The following DPP10 variants were observed in gnomAD, a reference collection of about 807,000 sequenced individuals.
The protein encoded by DPP10 is dipeptidyl peptidase like 10, also known as inactive dipeptidyl peptidase 10.
Under a neutral mutation model 120.9 loss-of-function variants are expected in DPP10, and 33 were observed. That is an observed-to-expected ratio of 0.27 (90% CI 0.21 to 0.37). The LOEUF is 0.37. DPP10 is among the 10% of genes least tolerant of loss of function. The probability of loss-of-function intolerance (pLI) is 1.00; values close to 1 mark genes in which losing one functional copy is unlikely to be tolerated. For synonymous variants in DPP10, 337 were observed against 326.1 expected (o/e 1.03, Z -0.36); for missense variants, 816 against 942.8 (o/e 0.87, Z 1.76).
chr2:115,020,886 A>G (rs1193024896), intron 1 of DPP10, among the ~76,000 whole-genome samples: 1 of 152,106 alleles, frequency 6.6e-6, no homozygotes, highest in Non-Finnish European at 1.5e-5. Context: ...TCATGCAAAT[A>G]CATGGAAATT....
In DPP10 at chr2:115,762,311, G is replaced by T. The variant is rs575133370; in HGVS notation, c.1075-261G>T. 2.0e-4 allele frequency among the ~76,000 whole-genome samples: 30 copies of T among 152,226 alleles called. No homozygotes were observed. The South Asian group carries it at 6.2e-3, about 32-fold the overall frequency. The stretch of plus-strand genomic sequence containing the variant: ...AGGTAATCAAACAGAGCTGGAAAAT[G>T]ATCTTCTCTCCCTGGTGAGGTACTG... On this transcript the variant is annotated intron_variant, in intron 11 of 25. Transcript: ENST00000410059.
At position 114,852,046 on chromosome 2, in the gene DPP10, C is replaced by A. The variant is rs942354491; in HGVS notation, c.60+409208C>A. Among the ~76,000 whole-genome samples, 3 of 150,592 alleles carry A rather than the reference C, an allele frequency of 2.0e-5. No individual in the cohort carries two copies. The South Asian group carries it at 6.3e-4, about 32-fold the overall frequency. On this transcript the variant is annotated intron_variant, in intron 1 of 25. Transcript: ENST00000410059. ...TATAGAGGGATTCATGATCTGAATACAACTCACCTTTGCAGCCTCATCCTC... is the reference window on the plus strand; with the variant it reads ...TATAGAGGGATTCATGATCTGAATAAAACTCACCTTTGCAGCCTCATCCTC...
intron 1 of DPP10, among the ~76,000 whole-genome samples, chr2:114,495,417 A>G (rs954623768): frequency 6.6e-6 from 1 of 152,198 alleles, no homozygotes; most frequent in Non-Finnish European, 1.5e-5. Context: ...AAGATCTGTA[A>G]ATACTGCTTT....
intron 1 of DPP10, among the ~76,000 whole-genome samples, chr2:114,851,108 A>G (rs1324452643): frequency 6.6e-6 from 1 of 152,180 alleles, no homozygotes; most frequent in Admixed American, 6.5e-5. Context: ...TATTATAGAC[A>G]GGATAAAATG....
At chr2:115,060,065 A>T (rs1255635009) in intron 1 of DPP10, among the ~76,000 whole-genome samples, 1 of 151,966 alleles carries the variant, frequency 6.6e-6, no homozygotes, top group East Asian at 1.9e-4. Context: ...CTCTCTCACT[A>T]TTGTAAGCTA....
chr2:114,612,552 A>G (rs534414671), intron 1 of DPP10, among the ~76,000 whole-genome samples: 2 of 148,210 alleles, frequency 1.3e-5, no homozygotes, highest in African/African-American at 2.6e-5. Flanking sequence ...ATACATGGTC[A>G]GATGACTGGA....
At chr2:115,042,493 T>C (rs1431107382) in intron 1 of DPP10, among the ~76,000 whole-genome samples, 1 of 152,212 alleles carries the variant, frequency 6.6e-6, no homozygotes, top group Non-Finnish European at 1.5e-5. Context: ...CTCAAACTTC[T>C]GGCCTCAAGT....
chr2:115,690,856 T>G (rs1020760046), intron 7 of DPP10, among the ~76,000 whole-genome samples: 1 of 152,224 alleles, frequency 6.6e-6, no homozygotes, highest in African/African-American at 2.4e-5. Flanking sequence ...CTAGGTTATT[T>G]GTTAAGCGTG....
intron 1 of DPP10, chr2:114,461,590 C>T (rs954499924): frequency 2.0e-6 from 2 of 985,206 alleles, no homozygotes; most frequent in African/African-American, 3.5e-5. Flanking sequence ...TTGCATTAAA[C>T]ACTTGATGAA....
intron 1 of DPP10, among the ~76,000 whole-genome samples, chr2:114,613,902 A>G (rs1252620899): frequency 6.6e-6 from 1 of 152,094 alleles, no homozygotes; most frequent in Admixed American, 6.6e-5. Flanking sequence ...CTCACTCATA[A>G]GTGGGAGTAG....
chr2:115,663,148 A>G (rs548429248), intron 5 of DPP10, among the ~76,000 whole-genome samples: 72 of 152,252 alleles, frequency 4.7e-4, no homozygotes, highest in African/African-American at 1.5e-3. Flanking sequence ...TGAGTTACAA[A>G]CAATCCAATT....
chr2:115,091,535 C>T (rs908669153), intron 1 of DPP10, among the ~76,000 whole-genome samples: 1 of 152,082 alleles, frequency 6.6e-6, no homozygotes, highest in Non-Finnish European at 1.5e-5. Flanking sequence ...CCTTCTCCCC[C>T]CTCAACCCCA....
chr2:114,572,032 TATATA>T (rs1689698895), intron 1 of DPP10, among the ~76,000 whole-genome samples: 2 of 150,388 alleles, frequency 1.3e-5, no homozygotes, highest in South Asian at 2.1e-4. Flanking sequence ...ATGTAGTACA[TATATA>T]ATATATACAG....
intron 3 of DPP10, among the ~76,000 whole-genome samples, chr2:115,458,771 C>T (rs1662903033): frequency 6.6e-6 from 1 of 151,972 alleles, no homozygotes; most frequent in African/African-American, 2.4e-5. Flanking sequence ...AAAACAGGTG[C>T]ATTTGTACTT....
chr2:114,888,366 A>G (rs1574421837), intron 1 of DPP10, among the ~76,000 whole-genome samples: 1 of 152,294 alleles, frequency 6.6e-6, no homozygotes, highest in South Asian at 2.1e-4. Flanking sequence ...AGAAGACTAT[A>G]GTAGATAAAA....
In DPP10 at chr2:114,634,219, C is replaced by G. The variant is rs953211355; in HGVS notation, c.60+191381C>G. Among the ~76,000 whole-genome samples, 11 of 151,888 alleles carry G rather than the reference C, an allele frequency of 7.2e-5. 1 individual carries two copies. Among genetic ancestry groups the G allele is most frequent in the African/African-American group, 2.7e-4 (11 of 41,232 alleles). ...CTGCCTGTGTTTTATCATCTGCTAT[C>G]TTTTTCTTTTAGGTAAGATTTTGTT... On this transcript the variant is annotated intron_variant, in intron 1 of 25. Coordinates refer to ENST00000410059, the MANE Select transcript of DPP10 (RefSeq NM_020868.6).
intron 5 of DPP10, among the ~76,000 whole-genome samples, chr2:115,586,870 T>C (rs2082319283): frequency 6.6e-6 from 1 of 152,148 alleles, no homozygotes; most frequent in Non-Finnish European, 1.5e-5. Context: ...TTTCATTTTT[T>C]ATTTTAAAAT....
At chr2:114,957,985 G>C (rs1290129997) in intron 1 of DPP10, among the ~76,000 whole-genome samples, 2 of 152,174 alleles carry the variant, frequency 1.3e-5, no homozygotes, top group Non-Finnish European at 2.9e-5. Context: ...CAAAGGGTAT[G>C]TTAAAAGAAA....
chr2:115,721,661 A>G (rs964769991), intron 7 of DPP10, among the ~76,000 whole-genome samples: 1 of 152,202 alleles, frequency 6.6e-6, no homozygotes, highest in Non-Finnish European at 1.5e-5. Flanking sequence ...TTCAGTATAC[A>G]AAATAATCCA....
Sources: allele counts gnomAD v4.1 joint callset (sites outside exome capture counted in the v4.1 genomes callset), GRCh38; gene constraint gnomAD v4.1.1; transcripts MANE v1.5; gene names NCBI Gene and HGNC (gene_info 2026-07-23, HGNC 2026-07-21).